Variants in PDE1A observed in about 807,000 individuals in gnomAD.
PDE1A encodes the protein phosphodiesterase 1A.
PDE1A carries 35 observed loss-of-function variants against 61.7 expected under a neutral mutation model. That is an observed-to-expected ratio of 0.57 (90% CI 0.43 to 0.75). The LOEUF (loss-of-function observed/expected upper bound fraction) is 0.75. PDE1A is among the 30% of genes least tolerant of loss of function. The probability of loss-of-function intolerance (pLI) is 0.00; values close to 1 mark genes in which losing one functional copy is unlikely to be tolerated. For synonymous variants in PDE1A, 232 were observed against 213.2 expected (o/e 1.09, Z -0.77); for missense variants, 597 against 630.6 (o/e 0.95, Z 0.57).
the PDE1A span, among the ~76,000 whole-genome samples, chr2:182,674,389 C>A: frequency 1.3e-5 from 2 of 152,030 alleles, no homozygotes; most frequent in African/African-American, 4.8e-5. Flanking sequence ...CCAATTATCT[C>A]ATTAAATGGC....
intron 1 of PDE1A, among the ~76,000 whole-genome samples, chr2:182,348,423 G>A (rs1262298719): frequency 6.6e-6 from 1 of 151,908 alleles, no homozygotes; most frequent in African/African-American, 2.4e-5. Flanking sequence ...CTGACTTTAC[G>A]GATATCCATT....
At chr2:182,233,653 C>T (rs1468431054) in intron 4 of PDE1A, among the ~76,000 whole-genome samples, 1 of 152,034 alleles carries the variant, frequency 6.6e-6, no homozygotes, top group Non-Finnish European at 1.5e-5. Context: ...TGTAGAAAAA[C>T]CAATATGCAG....
the PDE1A span, among the ~76,000 whole-genome samples, chr2:182,658,604 C>T: frequency 1.3e-5 from 2 of 152,158 alleles, no homozygotes; most frequent in Admixed American, 6.5e-5. Flanking sequence ...CACAGTGTAA[C>T]TGAGAGACTA....
chr2:182,437,486 A>G (rs1302821339), intron 2 of PDE1A, among the ~76,000 whole-genome samples: 3 of 151,960 alleles, frequency 2.0e-5, no homozygotes, highest in Non-Finnish European at 4.4e-5. Context: ...CTATGAAATT[A>G]CCTAGCCCCT....
chr2:182,311,726 G>C (rs1182852704), intron 1 of PDE1A, among the ~76,000 whole-genome samples: 2 of 151,984 alleles, frequency 1.3e-5, no homozygotes, highest in Non-Finnish European at 2.9e-5. Flanking sequence ...TCATTCCCCA[G>C]CTGATGGACA....
At chr2:182,558,821 C>T in the PDE1A span, among the ~76,000 whole-genome samples, 132 of 152,292 alleles carry the variant, frequency 8.7e-4, no homozygotes, top group African/African-American at 3.0e-3. Context: ...AGAAAATGTA[C>T]TCTTCCTCCT....
At chr2:182,639,473 C>A in the PDE1A span, among the ~76,000 whole-genome samples, 2 of 152,102 alleles carry the variant, frequency 1.3e-5, no homozygotes, top group African/African-American at 4.8e-5. Context: ...GAGGTCGAGG[C>A]AGGAGAATCA....
intron 1 of PDE1A, among the ~76,000 whole-genome samples, chr2:182,293,705 A>C (rs1485988185): frequency 2.0e-5 from 3 of 152,218 alleles, no homozygotes; most frequent in Non-Finnish European, 4.4e-5. Context: ...AGAGATTAAC[A>C]GCAATAACTA....
At chr2:182,357,314 T>C (rs1411498875) in intron 1 of PDE1A, among the ~76,000 whole-genome samples, 1 of 147,146 alleles carries the variant, frequency 6.8e-6, no homozygotes, top group Non-Finnish European at 1.5e-5. Context: ...GAGAAATGGG[T>C]AAAGGAAAAC....
the PDE1A span, among the ~76,000 whole-genome samples, chr2:182,575,963 TTAATAC>T: frequency 6.8e-6 from 1 of 147,514 alleles, no homozygotes; most frequent in Middle Eastern, 3.6e-3. Flanking sequence ...ATATATATTA[TTAATAC>T]TAATACTAAT....
At chr2:182,716,778 C>T in the PDE1A span, among the ~76,000 whole-genome samples, 1 of 152,200 alleles carries the variant, frequency 6.6e-6, no homozygotes, top group African/African-American at 2.4e-5. Flanking sequence ...TACCCCTCTC[C>T]CCTCTCCCAC....
At chr2:182,460,827 A>G (rs536756697) in intron 2 of PDE1A, among the ~76,000 whole-genome samples, 1 of 152,300 alleles carries the variant, frequency 6.6e-6, no homozygotes, top group African/African-American at 2.4e-5. Context: ...GGTTGGTGCA[A>G]AAGTAATTGT....
At chr2:182,670,411 A>G in the PDE1A span, among the ~76,000 whole-genome samples, 98,317 of 151,950 alleles carry the variant, frequency 0.65, 32,241 homozygotes, top group Middle Eastern at 0.78. Context: ...TCAGAGTGAG[A>G]CCCAGCTATC....
At chr2:182,641,663 C>T in the PDE1A span, among the ~76,000 whole-genome samples, 1 of 152,268 alleles carries the variant, frequency 6.6e-6, no homozygotes, top group East Asian at 1.9e-4. Context: ...TTCACATCTT[C>T]ACATAATAAG....
chr2:182,203,188 C>T (rs762882018), intron 8 of PDE1A, among the ~76,000 whole-genome samples: 27 of 152,010 alleles, frequency 1.8e-4, no homozygotes, highest in Non-Finnish European at 3.8e-4. Flanking sequence ...GCCCTGGTGG[C>T]GGGCACCTGT....
chr2:182,240,009 C>T (rs565312613), intron 3 of PDE1A, 101 bp downstream of exon 3: 119 of 989,098 alleles, frequency 1.2e-4, no homozygotes, highest in Non-Finnish European at 1.6e-4. Flanking sequence ...TCACAGTTTT[C>T]GTCAATAAGT....
the PDE1A span, among the ~76,000 whole-genome samples, chr2:182,545,440 T>C: frequency 2.0e-5 from 3 of 152,248 alleles, no homozygotes; most frequent in African/African-American, 7.2e-5. Context: ...ATTTCCAGTG[T>C]AACAAATTCT....
chr2:182,263,948 G>C (rs932065171), intron 2 of PDE1A, among the ~76,000 whole-genome samples: 1 of 152,148 alleles, frequency 6.6e-6, no homozygotes, highest in Admixed American at 6.5e-5. Context: ...TGAGATAATA[G>C]GGAAAATCCT....
At chr2:182,330,802 T>A (rs1446555354) in intron 1 of PDE1A, among the ~76,000 whole-genome samples, 1 of 152,160 alleles carries the variant, frequency 6.6e-6, no homozygotes, top group African/African-American at 2.4e-5. Context: ...TTCTCTAGCA[T>A]CACTCTCTTG....
Sources: gnomAD v4.1 joint callset for allele counts (sites outside exome capture counted in the v4.1 genomes callset) on GRCh38, gnomAD v4.1.1 for gene constraint, MANE v1.5 for transcripts, NCBI Gene and HGNC (gene_info 2026-07-23, HGNC 2026-07-21) for gene names.